Variants in TANC2 observed in about 807,000 individuals in gnomAD.
The protein encoded by TANC2 is tetratricopeptide repeat, ankyrin repeat and coiled-coil containing 2.
In TANC2, 26 loss-of-function variants were observed where a neutral mutation model predicts 210.5. The observed-to-expected ratio is 0.12, with a 90% CI of 0.09 to 0.17. TANC2 has a LOEUF of 0.17. TANC2 is among the 10% of genes least tolerant of loss of function. The pLI is 1.00. For synonymous variants in TANC2, 931 were observed against 967.1 expected (o/e 0.96, Z 0.69); for missense variants, 2,129 against 2,608.9 (o/e 0.82, Z 4.01).
intron 9 of TANC2, among the ~76,000 whole-genome samples, chr17:63,272,009 C>T (rs1224373700): frequency 2.6e-5 from 4 of 152,088 alleles, no homozygotes; most frequent in Non-Finnish European, 5.9e-5. Flanking sequence ...GTGGCTTCAT[C>T]ATGAAATCTT....
intron 8 of TANC2, among the ~76,000 whole-genome samples, chr17:63,240,314 G>T (rs2042740545): frequency 6.6e-6 from 1 of 152,122 alleles, no homozygotes; most frequent in Non-Finnish European, 1.5e-5. Context: ...TCAATGAGTG[G>T]AACTATGTAG....
At chr17:62,990,638 A>G (rs1234871550) in intron 1 of TANC2, among the ~76,000 whole-genome samples, 3 of 152,170 alleles carry the variant, frequency 2.0e-5, no homozygotes, top group South Asian at 2.1e-4. Flanking sequence ...AGAAATAGCT[A>G]TTAAAGGATG....
intron 2 of TANC2, among the ~76,000 whole-genome samples, chr17:63,043,700 A>C (rs958982280): frequency 3.3e-5 from 5 of 152,164 alleles, no homozygotes; most frequent in Admixed American, 1.3e-4. Context: ...AAAGCAGAGA[A>C]AACTTTTCTG....
At chr17:63,162,465 A>C (rs2040062115) in intron 5 of TANC2, among the ~76,000 whole-genome samples, 1 of 152,208 alleles carries the variant, frequency 6.6e-6, no homozygotes, top group Admixed American at 6.5e-5. Context: ...TTTCTAAACT[A>C]GAATAAATTT....
At chr17:63,103,854 G>A (rs1309743233) in intron 4 of TANC2, among the ~76,000 whole-genome samples, 1 of 152,088 alleles carries the variant, frequency 6.6e-6, no homozygotes, top group Non-Finnish European at 1.5e-5. Context: ...TTATTAGCTT[G>A]TGTTTTTGTC....
At chr17:63,358,976 TTGTGTGTG>T (rs34338483) in intron 14 of TANC2, among the ~76,000 whole-genome samples, 11 of 147,806 alleles carry the variant, frequency 7.4e-5, no homozygotes, top group East Asian at 4.0e-4. Flanking sequence ...AGATTAATAT[TTGTGTGTG>T]TGTGTGTGTG....
In TANC2 at chr17:63,418,092, A is replaced by G. The variant is rs1436378480; in HGVS notation, c.4168-215A>G. Reference sequence around the variant, plus strand: ...AACTATTTTAATATTCTGGGCAGATAAAGTCCAGTGAGCAGTCGCAGCGCT... The same window carrying G: ...AACTATTTTAATATTCTGGGCAGATGAAGTCCAGTGAGCAGTCGCAGCGCT... On this transcript the variant is annotated intron_variant, in intron 26 of 27. Coordinates refer to ENST00000689528, the Ensembl canonical transcript of TANC2. The surrounding 1 kb of genome is among the most constrained non-coding windows in gnomAD (Gnocchi z 4.6). 6.6e-6 allele frequency among the ~76,000 whole-genome samples: 1 copy of G among 152,246 alleles called. No individual in the cohort carries two copies. The highest frequency in any genetic ancestry group is 1.9e-4 in the East Asian group (1 of 5,206).
At chr17:63,398,491 T>C (rs1273745681) in intron 18 of TANC2, among the ~76,000 whole-genome samples, 2 of 151,424 alleles carry the variant, frequency 1.3e-5, no homozygotes, top group Middle Eastern at 3.2e-3. Context: ...AGGCCCTCAG[T>C]TTTCTCGTAT....
chr17:63,394,409 C>T (rs1235926511), intron 17 of TANC2, among the ~76,000 whole-genome samples: 1 of 152,184 alleles, frequency 6.6e-6, no homozygotes, highest in Non-Finnish European at 1.5e-5. Flanking sequence ...GTTCTAGTCT[C>T]ATCTCTTACC....
intron 4 of TANC2, among the ~76,000 whole-genome samples, chr17:63,144,735 TATTA>T (rs1408587054): frequency 2.0e-5 from 3 of 152,144 alleles, no homozygotes; most frequent in Non-Finnish European, 4.4e-5. Flanking sequence ...TGCAGCTGTG[TATTA>T]ATTTATAATT....
intron 9 of TANC2, among the ~76,000 whole-genome samples, chr17:63,276,973 C>T (rs1009426351): frequency 6.6e-6 from 1 of 152,102 alleles, no homozygotes; most frequent in Non-Finnish European, 1.5e-5. Flanking sequence ...CTGTACTCTG[C>T]GGTATTGGAG....
intron 7 of TANC2, among the ~76,000 whole-genome samples, chr17:63,219,529 G>T (rs1171952410): frequency 1.3e-5 from 2 of 152,128 alleles, no homozygotes; most frequent in Non-Finnish European, 2.9e-5. Flanking sequence ...TCCTGTCTCA[G>T]CCTCCCGAGT....
intron 5 of TANC2, chr17:63,182,313 C>A: frequency 5.0e-6 from 1 of 201,306 alleles, no homozygotes; most frequent in Non-Finnish European, 1.0e-5. Flanking sequence ...ACAGAAAATT[C>A]CGACAAGTAG....
intron 13 of TANC2, among the ~76,000 whole-genome samples, chr17:63,353,492 A>G (rs1367310207): frequency 6.6e-6 from 1 of 152,150 alleles, no homozygotes; most frequent in Non-Finnish European, 1.5e-5. Flanking sequence ...CCAAATGTAA[A>G]TGTTGAGTAG....
intron 4 of TANC2, among the ~76,000 whole-genome samples, chr17:63,110,149 T>C (rs1233478007): frequency 6.6e-6 from 1 of 151,618 alleles, no homozygotes. Context: ...GAATAGAAAC[T>C]CCTAGTGTCC....
intron 5 of TANC2, among the ~76,000 whole-genome samples, chr17:63,170,336 C>T (rs1219823411): frequency 7.4e-6 from 1 of 135,402 alleles, no homozygotes; most frequent in East Asian, 2.3e-4. Context: ...TCGGGAGGCT[C>T]AGGCAGGAGA....
chr17:63,417,441 C>G (rs548036516), intron 26 of TANC2, among the ~76,000 whole-genome samples: 47 of 152,242 alleles, frequency 3.1e-4, no homozygotes, highest in African/African-American at 1.1e-3. Flanking sequence ...CCCCCAGTCT[C>G]TGTTTCCAGG....
chr17:63,149,740 A>G (rs529546342), intron 4 of TANC2: 3 of 152,166 alleles, frequency 2.0e-5, no homozygotes, highest in Non-Finnish European at 4.4e-5. Context: ...ATATATACAT[A>G]TAAATCACTT....
intron 2 of TANC2, among the ~76,000 whole-genome samples, chr17:63,013,129 A>G (rs2033946968): frequency 6.7e-6 from 1 of 150,250 alleles, no homozygotes; most frequent in Non-Finnish European, 1.5e-5. Context: ...AGTTATTTAT[A>G]GGTGTAGTCC....
Sources: allele counts gnomAD v4.1 joint callset (sites outside exome capture counted in the v4.1 genomes callset), GRCh38; gene constraint gnomAD v4.1.1; non-coding constraint Gnocchi (gnomAD v3.1); transcripts MANE v1.5; gene names NCBI Gene and HGNC (gene_info 2026-07-23, HGNC 2026-07-21).